Variants in KIRREL3 observed in about 807,000 individuals in gnomAD.
KIRREL3 encodes kirre like nephrin family adhesion molecule 3.
Under a neutral mutation model 89.7 loss-of-function variants are expected in KIRREL3, and 36 were observed. The observed-to-expected ratio is 0.40, with a 90% CI of 0.31 to 0.53. The LOEUF (loss-of-function observed/expected upper bound fraction) is 0.53. Among genes scored for constraint, KIRREL3 ranks in the 20% least tolerant of loss-of-function variants. The pLI, the probability that KIRREL3 is intolerant of heterozygous loss-of-function variation, is 0.49. For synonymous variants in KIRREL3, 445 were observed against 441.4 expected, an observed-to-expected ratio of 1.01 and a Z score of -0.10; for missense variants, 864 against 1,056.6, an observed-to-expected ratio of 0.82 and a Z score of 2.53.
rs1360206905 is a variant in KIRREL3, at chr11:126,664,013, T to C, written c.56-101101A>G. Among the ~76,000 whole-genome samples, 2 of 152,242 alleles carry C rather than the reference T, an allele frequency of 1.3e-5. No homozygotes were observed. Among genetic ancestry groups the C allele is most frequent in the African/African-American group, 4.8e-5 (2 of 41,476 alleles). On this transcript the variant is annotated intron_variant, in intron 1 of 16. Transcript: ENST00000525144. The surrounding 1 kb of genome is among the most constrained non-coding windows in gnomAD (Gnocchi z 5.4). ...TTCCTGAGAGTGTGTGTGTCTGTGC[T>C]TTTGAGCCTGTGCCCCTGGCACAAG...
chr11:126,634,532 T>C (rs949506300), intron 1 of KIRREL3, among the ~76,000 whole-genome samples: 2 of 152,094 alleles, frequency 1.3e-5, no homozygotes, highest in African/African-American at 4.8e-5. Flanking sequence ...TAGATTTGAG[T>C]GGAGGCGCCA....
At position 127,000,347 on chromosome 11, in the gene KIRREL3, A is replaced by T; in HGVS notation, c.55+108T>A. The T allele has an allele frequency of 1.2e-6, 1 of 820,422 alleles. No individual in the cohort carries two copies. The highest frequency in any genetic ancestry group is 1.9e-6 in the Non-Finnish European group (1 of 518,858). The allele number at this position is 820,422 out of a possible 1,614,324, so 50.8% of individuals were successfully genotyped here. A position where few individuals can be genotyped will look rare whatever the true frequency, so the allele number is the denominator to read the frequency against. On this transcript the variant is annotated intron_variant, in intron 1 of 16. Coordinates refer to ENST00000525144, the MANE Select transcript of KIRREL3 (RefSeq NM_032531.4). This position sits in a 1 kb window ranked among gnomAD's most constrained non-coding sequence, Gnocchi z 7.1. The stretch of plus-strand genomic sequence containing the variant: ...ATCTCAGCCCGGCACCGAGAGACGC[A>T]TCCATCAGTCCGAGTTCCCGAAGCC...
At position 126,575,820 on chromosome 11, in the gene KIRREL3, C is replaced by G. The variant is rs1941226777; in HGVS notation, c.56-12908G>C. Among the ~76,000 whole-genome samples, 1 of 152,148 alleles carries G rather than the reference C, an allele frequency of 6.6e-6. No individual in the cohort carries two copies. The highest frequency in any genetic ancestry group is 2.4e-5 in the African/African-American group (1 of 41,436). Reference sequence around the variant, plus strand: ...CATTTCATTCATAGTTCAAGAGCCCCCAAGAATCTCCTCTGTGTGTGGCCT... The same window carrying G: ...CATTTCATTCATAGTTCAAGAGCCCGCAAGAATCTCCTCTGTGTGTGGCCT... On this transcript the variant is annotated intron_variant, in intron 1 of 16. Coordinates refer to ENST00000525144, the MANE Select transcript of KIRREL3 (RefSeq NM_032531.4). The surrounding 1 kb of genome is among the most constrained non-coding windows in gnomAD (Gnocchi z 7.0).
At chr11:126,760,977 C>T (rs1455372680) in intron 1 of KIRREL3, among the ~76,000 whole-genome samples, 1 of 152,138 alleles carries the variant, frequency 6.6e-6, no homozygotes, top group Non-Finnish European at 1.5e-5. Flanking sequence ...ATTCTGTTAT[C>T]CACTGACACC....
rs183302991 is a variant in KIRREL3, at chr11:126,998,794, A to G, written c.55+1661T>C. The stretch of plus-strand genomic sequence containing the variant: ...ACACAAAAGGCTGATTAAAGCATGC[A>G]CTGGTCCCATGCAAATGTGAGTTTG... On this transcript the variant is annotated intron_variant, in intron 1 of 16. Coordinates refer to ENST00000525144, the MANE Select transcript of KIRREL3 (RefSeq NM_032531.4). 2.2e-4 allele frequency among the ~76,000 whole-genome samples: 34 copies of G among 152,298 alleles called. 1 individual carries two copies. In the East Asian group the frequency reaches 2.9e-3, roughly 13 times the overall value.
chr11:127,000,974 C>A, upstream of KIRREL3: 1 of 278,478 alleles, frequency 3.6e-6, no homozygotes, highest in South Asian at 1.7e-4. This position sits in a 1 kb window ranked among gnomAD's most constrained non-coding sequence, Gnocchi z 7.1. Context: ...AGGCTGTGTT[C>A]TTTCTTTTCC....
intron 1 of KIRREL3, among the ~76,000 whole-genome samples, chr11:126,679,880 C>T (rs1946371812): frequency 6.6e-6 from 1 of 152,030 alleles, no homozygotes; most frequent in South Asian, 2.1e-4. Context: ...GGAAAAGGTC[C>T]CAGAGAGAGA....
intron 11 of KIRREL3, among the ~76,000 whole-genome samples, chr11:126,437,216 CAT>C (rs1460039414): frequency 6.6e-6 from 1 of 152,088 alleles, no homozygotes; most frequent in Non-Finnish European, 1.5e-5. Flanking sequence ...CATCACCACA[CAT>C]GGGCATGCAC....
chr11:126,573,566 A>G (rs1941090158), intron 1 of KIRREL3, among the ~76,000 whole-genome samples: 1 of 151,908 alleles, frequency 6.6e-6, no homozygotes, highest in Admixed American at 6.6e-5. Flanking sequence ...CATTACTGAA[A>G]TCCTCCTTGA....
rs1191585243 is a variant in KIRREL3, at chr11:126,565,365, T to A, written c.56-2453A>T. Among the ~76,000 whole-genome samples, 6 of 152,172 alleles carry A rather than the reference T, an allele frequency of 3.9e-5. No individual in the cohort carries two copies. Among genetic ancestry groups the A allele is most frequent in the Admixed American group, 3.9e-4 (6 of 15,274 alleles). On this transcript the variant is annotated intron_variant, in intron 1 of 16. Coordinates refer to ENST00000525144, the MANE Select transcript of KIRREL3 (RefSeq NM_032531.4). This position sits in a 1 kb window ranked among gnomAD's most constrained non-coding sequence, Gnocchi z 5.4. ...TATAATAACTAAGAGTCTCACTGATTATGTTTGATTTTTGCAAATGAGCAG... is the reference window on the plus strand; with the variant it reads ...TATAATAACTAAGAGTCTCACTGATAATGTTTGATTTTTGCAAATGAGCAG...
At chr11:126,945,729 C>A (rs978477415) in intron 1 of KIRREL3, among the ~76,000 whole-genome samples, 5 of 152,198 alleles carry the variant, frequency 3.3e-5, no homozygotes, top group Admixed American at 2.6e-4. Flanking sequence ...GGAACAGAAT[C>A]CCAGGTAGGC....
intron 1 of KIRREL3, among the ~76,000 whole-genome samples, chr11:126,873,216 T>C (rs1003390064): frequency 6.6e-6 from 1 of 152,226 alleles, no homozygotes; most frequent in Non-Finnish European, 1.5e-5. Context: ...GCAGGTATAA[T>C]AGCTTCATAA....
intron 1 of KIRREL3, among the ~76,000 whole-genome samples, chr11:126,926,994 G>A (rs1314679256): frequency 1.3e-5 from 2 of 152,218 alleles, no homozygotes; most frequent in African/African-American, 2.4e-5. Flanking sequence ...CATGCTAACA[G>A]CTAAGGCATG....
rs1384111821 is a variant in KIRREL3, at chr11:126,622,279, G to A, written c.56-59367C>T. ...GCTGTTTTAATTACTTTTTCAAGGT[G>A]CCTTCTAAATGTTAAAAATGGTGAC... is the stretch of plus-strand genomic sequence containing the variant. On this transcript the variant is annotated intron_variant, in intron 1 of 16. Coordinates refer to ENST00000525144, the MANE Select transcript of KIRREL3 (RefSeq NM_032531.4). This position sits in a 1 kb window ranked among gnomAD's most constrained non-coding sequence, Gnocchi z 5.2. Among the ~76,000 whole-genome samples, 2 of 152,182 alleles carry A rather than the reference G, an allele frequency of 1.3e-5. No homozygotes were observed. Among genetic ancestry groups the A allele is most frequent in the Non-Finnish European group, 2.9e-5 (2 of 68,038 alleles).
At position 126,991,154 on chromosome 11, in the gene KIRREL3, C is replaced by T. The variant is rs968475539; in HGVS notation, c.55+9301G>A. ...GCTTGGCAGAGGCTGTTTCTCTTGG[C>T]GTTGTCTCTGGTGACCCAAAGGGCA... On this transcript the variant is annotated intron_variant, in intron 1 of 16. Transcript: ENST00000525144. This position sits in a 1 kb window ranked among gnomAD's most constrained non-coding sequence, Gnocchi z 5.8. 2.0e-5 allele frequency among the ~76,000 whole-genome samples: 3 copies of T among 152,142 alleles called. No homozygotes were observed. Among genetic ancestry groups the T allele is most frequent in the Admixed American group, 2.0e-4 (3 of 15,272 alleles).
At chr11:126,460,596 C>T (rs577715778) in intron 6 of KIRREL3, among the ~76,000 whole-genome samples, 32 of 152,310 alleles carry the variant, frequency 2.1e-4, no homozygotes, top group African/African-American at 5.5e-4. Flanking sequence ...CTCATTCTGA[C>T]GCCTCCTAAG....
intron 1 of KIRREL3, among the ~76,000 whole-genome samples, chr11:126,992,862 C>T (rs55778721): frequency 0.13 from 20,179 of 152,156 alleles, 1,508 homozygotes; most frequent in Admixed American, 0.19. Flanking sequence ...TCAAGTCCAG[C>T]GTGCAGCCAG....
intron 1 of KIRREL3, among the ~76,000 whole-genome samples, chr11:126,928,899 T>C (rs890054879): frequency 6.6e-6 from 1 of 152,166 alleles, no homozygotes. Context: ...AAGGCCAAAC[T>C]ATGGGCTTGG....
rs1379458427 is a variant in KIRREL3, at chr11:126,970,166, TC to T, written c.55+30288del. On this transcript the variant is annotated intron_variant, in intron 1 of 16. Transcript: ENST00000525144. This position sits in a 1 kb window ranked among gnomAD's most constrained non-coding sequence, Gnocchi z 4.4. Reference sequence around the variant, plus strand: ...ATCATGCATTTGAAAAATTCTTTCTTCTTTCAGTTTTTCGCTCTTCACAGCT... The same window carrying T: ...ATCATGCATTTGAAAAATTCTTTCTTTTTCAGTTTTTCGCTCTTCACAGCT... 2.0e-5 allele frequency among the ~76,000 whole-genome samples: 3 copies of T among 152,230 alleles called. No individual in the cohort carries two copies. Among genetic ancestry groups the T allele is most frequent in the African/African-American group, 7.2e-5 (3 of 41,462 alleles).
Sources: allele counts gnomAD v4.1 joint callset (sites outside exome capture counted in the v4.1 genomes callset), GRCh38; gene constraint gnomAD v4.1.1; non-coding constraint Gnocchi (gnomAD v3.1); transcripts MANE v1.5; gene names NCBI Gene and HGNC (gene_info 2026-07-23, HGNC 2026-07-21).